The following IL4R variants were observed in gnomAD, a reference collection of about 807,000 sequenced individuals.
The protein encoded by IL4R is interleukin-4 receptor subunit alpha.
A neutral mutation model predicts 41.5 loss-of-function variants in IL4R; 17 were observed. The observed-to-expected ratio is 0.41, with a 90% CI of 0.28 to 0.61. IL4R has a LOEUF of 0.61. Among genes scored for constraint, IL4R ranks in the 20% least tolerant of loss-of-function variants. The pLI is 0.31. For synonymous variants in IL4R, 402 were observed against 422.9 expected (o/e 0.95, Z 0.61); for missense variants, 974 against 1,043.1 (o/e 0.93, Z 0.91).
At chr16:27,357,719 C>G (rs985226046) in intron 8 of IL4R, among the ~76,000 whole-genome samples, 1 of 152,172 alleles carries the variant, frequency 6.6e-6, no homozygotes, top group Non-Finnish European at 1.5e-5. Flanking sequence ...CCACCTCGTT[C>G]TCCCAAGGTG....
intron 4 of IL4R, among the ~76,000 whole-genome samples, chr16:27,343,823 G>A (rs1361638817): frequency 6.6e-6 from 1 of 152,138 alleles, no homozygotes; most frequent in East Asian, 1.9e-4. Context: ...GTACACATGG[G>A]CATTATTCCA....
intron 1 of IL4R, among the ~76,000 whole-genome samples, chr16:27,322,121 G>C (rs780943778): frequency 1.4e-5 from 2 of 141,250 alleles, no homozygotes; most frequent in Non-Finnish European, 3.0e-5. Context: ...TTTTTTACCT[G>C]ATTTACCTCC....
rs193130402 is a variant in IL4R, at chr16:27,344,067, G to A, written c.210-802G>A. Among the ~76,000 whole-genome samples, 62 of 152,216 alleles carry A rather than the reference G, an allele frequency of 4.1e-4. 1 individual carries two copies. Among genetic ancestry groups the A allele is most frequent in the African/African-American group, 1.4e-3 (59 of 41,520 alleles). On this transcript the variant is annotated intron_variant, in intron 4 of 10. Transcript: ENST00000395762. The stretch of plus-strand genomic sequence containing the variant: ...CGGCTGTAATCCCAGCCCTTTGGGA[G>A]GCCGAGGTGGGCAGATCACTTGAGG...
At chr16:27,361,884 T>C (rs777041428) in intron 10 of IL4R, among the ~76,000 whole-genome samples, 49 of 152,158 alleles carry the variant, frequency 3.2e-4, no homozygotes, top group Admixed American at 1.2e-3. Context: ...CCTCCTAAAG[T>C]GCTGGGATTA....
intron 3 of IL4R, among the ~76,000 whole-genome samples, chr16:27,340,791 TGGG>T (rs1021918692): frequency 6.7e-6 from 1 of 148,288 alleles, no homozygotes; most frequent in African/African-American, 2.5e-5. Flanking sequence ...CTGGGTGGAG[TGGG>T]GGGGATTGCA....
chr16:27,324,611 G>A (rs1275443376), intron 1 of IL4R, among the ~76,000 whole-genome samples: 1 of 152,202 alleles, frequency 6.6e-6, no homozygotes, highest in Non-Finnish European at 1.5e-5. Context: ...AATAAAGCAA[G>A]ATAACAGGTT....
chr16:27,327,996 G>A (rs938622320), intron 1 of IL4R, among the ~76,000 whole-genome samples: 11 of 151,852 alleles, frequency 7.2e-5, no homozygotes, highest in Admixed American at 7.2e-4. Context: ...CGGATCAGGA[G>A]GTCAAGAGAT....
intron 1 of IL4R, among the ~76,000 whole-genome samples, chr16:27,323,879 G>A (rs1159995976): frequency 6.6e-6 from 1 of 152,050 alleles, no homozygotes; most frequent in Non-Finnish European, 1.5e-5. Flanking sequence ...GGCTGGTCTT[G>A]AACTCCTGGA....
intron 8 of IL4R, among the ~76,000 whole-genome samples, chr16:27,358,181 A>G (rs3024655): frequency 0.8 from 122,170 of 152,264 alleles, 52,335 homozygotes; most frequent in South Asian, 0.94. Flanking sequence ...GGCGTGAGCC[A>G]CCATGCCTGG....
intron 6 of IL4R, among the ~76,000 whole-genome samples, chr16:27,350,639 G>T (rs953860787): frequency 6.6e-6 from 1 of 152,120 alleles, no homozygotes; most frequent in African/African-American, 2.4e-5. Flanking sequence ...AACTCAGGTT[G>T]CTCACTTGCC....
intron 1 of IL4R, among the ~76,000 whole-genome samples, chr16:27,325,754 C>T (rs2084940260): frequency 6.6e-6 from 1 of 151,930 alleles, no homozygotes; most frequent in Non-Finnish European, 1.5e-5. Flanking sequence ...TATGTCGGGC[C>T]CCTCCCCGAG....
intron 4 of IL4R, among the ~76,000 whole-genome samples, chr16:27,342,869 C>A (rs573825978): frequency 6.6e-6 from 1 of 152,334 alleles, no homozygotes; most frequent in African/African-American, 2.4e-5. Flanking sequence ...TACATGATCA[C>A]AGGTCATGTA....
chr16:27,327,924 T>C (rs1214436209), intron 1 of IL4R, among the ~76,000 whole-genome samples: 1 of 152,046 alleles, frequency 6.6e-6, no homozygotes, highest in African/African-American at 2.4e-5. Flanking sequence ...TAAAAATGAT[T>C]ATTGAGGCCA....
At chr16:27,341,313 G>T in intron 3 of IL4R, 1 of 608,472 alleles carries the variant, frequency 1.6e-6, no homozygotes, top group Admixed American at 2.8e-5. Context: ...CAGAAGAGAA[G>T]GTACTTTGGG....
At chr16:27,339,297 C>T (rs940488783) in intron 2 of IL4R, among the ~76,000 whole-genome samples, 4 of 152,120 alleles carry the variant, frequency 2.6e-5, no homozygotes, top group African/African-American at 9.7e-5. Flanking sequence ...CACCATTGCA[C>T]CCAATAGAGC....
intron 1 of IL4R, among the ~76,000 whole-genome samples, chr16:27,314,719 C>G (rs1034841926): frequency 6.6e-6 from 1 of 152,182 alleles, no homozygotes; most frequent in African/African-American, 2.4e-5. Context: ...CAGCTGCTCT[C>G]CATCTCTCAA....
At chr16:27,321,438 G>A (rs1424535448) in intron 1 of IL4R, among the ~76,000 whole-genome samples, 1 of 152,182 alleles carries the variant, frequency 6.6e-6, no homozygotes, top group Non-Finnish European at 1.5e-5. Flanking sequence ...GGAGTCCCAC[G>A]CAAAGACTGT....
intron 1 of IL4R, among the ~76,000 whole-genome samples, chr16:27,328,055 C>T (rs563753599): frequency 2.0e-5 from 3 of 151,712 alleles, no homozygotes; most frequent in Non-Finnish European, 2.9e-5. Context: ...ACTAAAAATA[C>T]AAAAATTAGC....
chr16:27,320,814 A>C (rs2084791876), intron 1 of IL4R, among the ~76,000 whole-genome samples: 1 of 152,210 alleles, frequency 6.6e-6, no homozygotes, highest in Non-Finnish European at 1.5e-5. Context: ...GCAGGTCTCC[A>C]AGCTGGCAGG....
Sources: gnomAD v4.1 joint callset for allele counts (sites outside exome capture counted in the v4.1 genomes callset) on GRCh38, gnomAD v4.1.1 for gene constraint, MANE v1.5 for transcripts, NCBI Gene and HGNC (gene_info 2026-07-23, HGNC 2026-07-21) for gene names.